OTUD7A: variants seen among roughly 807,000 people sequenced by gnomAD.
OTUD7A encodes the protein OTU domain-containing protein 7A.
A neutral mutation model predicts 65.7 loss-of-function variants in OTUD7A; 12 were observed. That is an observed-to-expected ratio of 0.18 (90% confidence interval 0.12 to 0.30). The LOEUF is 0.30. Among genes scored for constraint, OTUD7A ranks in the 10% least tolerant of loss-of-function variants. The probability of loss-of-function intolerance (pLI) is 1.00; values close to 1 mark genes in which losing one functional copy is unlikely to be tolerated. For missense variants in OTUD7A, 1,148 were observed against 1,304.8 expected, an observed-to-expected ratio of 0.88 and a Z score of 1.85; for synonymous variants, 641 against 586.3, an observed-to-expected ratio of 1.09 and a Z score of -1.35.
chr15:31,484,372 C>A lies in OTUD7A; in HGVS notation c.1724G>T (p.Arg575Leu), dbSNP rs776292350. The A allele has an allele frequency of 3.1e-6, 5 of 1,601,142 alleles. No individual in the cohort carries two copies. The highest frequency in any genetic ancestry group is 1.1e-5 in the South Asian group (1 of 91,034). ...ACCAGACTCCTCCTTGCTGCCCTTGCGCGACTTGGCCTTCTTCTCCTTGCC... is the reference window on the plus strand; with the variant it reads ...ACCAGACTCCTCCTTGCTGCCCTTGAGCGACTTGGCCTTCTTCTCCTTGCC... The part of the protein sequence containing the change: ...ERGKEKKAKS[R>L]KGSKEESGAS... The change falls in exon 13 of 13, where the codon CGC (arginine) becomes CTC (leucine). Residue 575 changes from arginine (R) to leucine (L), a missense_variant. Physicochemically the swap from Arg to Leu is moderately radical, Grantham distance 102. Coordinates refer to ENST00000307050, the MANE Select transcript of OTUD7A (RefSeq NM_001382637.1). This position sits in a 1 kb window ranked among gnomAD's most constrained non-coding sequence, Gnocchi z 4.5.
At chr15:31,751,710 A>G (rs1337662241) in intron 1 of OTUD7A, among the ~76,000 whole-genome samples, 3 of 152,252 alleles carry the variant, frequency 2.0e-5, no homozygotes, top group Non-Finnish European at 4.4e-5. Context: ...TGTTTCATAT[A>G]CACCATGGAA....
At chr15:31,532,612 C>T (rs906671767) in intron 5 of OTUD7A, among the ~76,000 whole-genome samples, 2 of 151,568 alleles carry the variant, frequency 1.3e-5, no homozygotes, top group Admixed American at 6.6e-5. Flanking sequence ...GTAGAAGAGG[C>T]GAAATAAGGT....
chr15:31,579,914 C>T (rs1889322357), intron 3 of OTUD7A, among the ~76,000 whole-genome samples: 1 of 152,268 alleles, frequency 6.6e-6, no homozygotes, highest in Non-Finnish European at 1.5e-5. Context: ...CAACGCATTC[C>T]TAAATAATGT....
At chr15:31,622,919 T>C (rs994230642) in intron 3 of OTUD7A, among the ~76,000 whole-genome samples, 1 of 152,246 alleles carries the variant, frequency 6.6e-6, no homozygotes, top group Non-Finnish European at 1.5e-5. Context: ...TCTTTGATGA[T>C]GGTGACGTAC....
At chr15:31,557,849 C>T (rs1243714257) in intron 5 of OTUD7A, 3 of 152,180 alleles carry the variant, frequency 2.0e-5, no homozygotes, top group Admixed American at 1.3e-4. Flanking sequence ...ATTGGGTCTT[C>T]GCCGAGCACC....
At chr15:31,602,759 C>T (rs564635738) in intron 3 of OTUD7A, among the ~76,000 whole-genome samples, 11 of 152,286 alleles carry the variant, frequency 7.2e-5, no homozygotes, top group African/African-American at 1.2e-4. Context: ...AGCGAAATCT[C>T]GGGATACAAA....
At chr15:31,805,744 G>A (rs911165796) in intron 1 of OTUD7A, among the ~76,000 whole-genome samples, 4 of 152,176 alleles carry the variant, frequency 2.6e-5, no homozygotes, top group Admixed American at 1.3e-4. Flanking sequence ...CCTGACTCCC[G>A]CTTCAAGGCA....
chr15:31,573,835 A>C (rs1287559180), intron 3 of OTUD7A, among the ~76,000 whole-genome samples: 3 of 152,178 alleles, frequency 2.0e-5, no homozygotes, highest in Non-Finnish European at 4.4e-5. Context: ...TGGGAGGTGG[A>C]GGTTGCAGTG....
chr15:31,764,987 T>C (rs1227918355), intron 1 of OTUD7A, among the ~76,000 whole-genome samples: 27 of 152,208 alleles, frequency 1.8e-4, no homozygotes, highest in Non-Finnish European at 1.5e-5. Context: ...AGAGATTATA[T>C]GTTTTATTTA....
chr15:31,852,079 G>C (rs1811633382), intron 1 of OTUD7A, among the ~76,000 whole-genome samples: 2 of 152,166 alleles, frequency 1.3e-5, no homozygotes, highest in South Asian at 2.1e-4. Flanking sequence ...GGCTGGTCTT[G>C]AACTCCTGAC....
At chr15:31,822,799 AT>A (rs892841301) in intron 1 of OTUD7A, among the ~76,000 whole-genome samples, 2 of 152,176 alleles carry the variant, frequency 1.3e-5, no homozygotes, top group African/African-American at 4.8e-5. Flanking sequence ...TGTAACACAC[AT>A]TTCTGGAAAT....
At chr15:31,859,857 C>G (rs1413383578) in intron 1 of OTUD7A, among the ~76,000 whole-genome samples, 2 of 152,138 alleles carry the variant, frequency 1.3e-5, no homozygotes, top group Non-Finnish European at 2.9e-5. Flanking sequence ...AGAGCCAGGA[C>G]AGCCGCAACT....
intron 1 of OTUD7A, among the ~76,000 whole-genome samples, chr15:31,831,601 G>A (rs1896932510): frequency 6.6e-6 from 1 of 152,196 alleles, no homozygotes; most frequent in Non-Finnish European, 1.5e-5. Context: ...AAACAGTTTT[G>A]TAAACTTCTC....
intron 1 of OTUD7A, chr15:31,767,357 A>T: frequency 2.6e-6 from 2 of 777,008 alleles, no homozygotes; most frequent in Non-Finnish European, 4.8e-6. Context: ...GTAGAGGTTC[A>T]GGGAGATCTA....
At chr15:31,816,472 C>T (rs1896551221) in intron 1 of OTUD7A, among the ~76,000 whole-genome samples, 1 of 152,068 alleles carries the variant, frequency 6.6e-6, no homozygotes, top group African/African-American at 2.4e-5. Flanking sequence ...GGGCAGATCA[C>T]GAGGTCAGGA....
chr15:31,775,428 T>A (rs1430851032), intron 1 of OTUD7A, among the ~76,000 whole-genome samples: 1 of 152,136 alleles, frequency 6.6e-6, no homozygotes, highest in African/African-American at 2.4e-5. Context: ...AAAAAATAAA[T>A]AAATTAAACA....
At chr15:31,710,001 G>T (rs914142780) in intron 1 of OTUD7A, among the ~76,000 whole-genome samples, 2 of 151,410 alleles carry the variant, frequency 1.3e-5, no homozygotes, top group South Asian at 4.2e-4. Flanking sequence ...TGTAAGTACA[G>T]AAAAAGTTAT....
intron 5 of OTUD7A, among the ~76,000 whole-genome samples, chr15:31,531,834 C>T (rs1887634660): frequency 6.6e-6 from 1 of 152,176 alleles, no homozygotes; most frequent in African/African-American, 2.4e-5. Flanking sequence ...AAGCACCTTG[C>T]CCTCTATCTT....
At chr15:31,813,510 T>C (rs2140963816) in intron 1 of OTUD7A, among the ~76,000 whole-genome samples, 1 of 152,326 alleles carries the variant, frequency 6.6e-6, no homozygotes, top group East Asian at 1.9e-4. Flanking sequence ...CTGATAAATG[T>C]GTGGGGGAGG....
Sources: gnomAD v4.1 joint callset for allele counts (sites outside exome capture counted in the v4.1 genomes callset) on GRCh38, gnomAD v4.1.1 for gene constraint, Gnocchi (gnomAD v3.1) non-coding constraint, MANE v1.5 for transcripts, NCBI Gene and HGNC (gene_info 2026-07-23, HGNC 2026-07-21) for gene names.